The following CCDC146 variants were observed in gnomAD, a reference collection of about 807,000 sequenced individuals.
The protein encoded by CCDC146 is coiled-coil domain-containing protein 146.
A neutral mutation model predicts 119.3 loss-of-function variants in CCDC146; 92 were observed. The observed-to-expected ratio is 0.77, with a 90% CI of 0.65 to 0.92. The LOEUF (loss-of-function observed/expected upper bound fraction) is 0.92, where lower values mean the gene tolerates loss of function less well. Among genes scored for constraint, CCDC146 ranks in the 40% least tolerant of loss-of-function variants. The pLI is 0.00. For missense variants in CCDC146, 1,000 were observed against 1,103.0 expected (o/e 0.91, Z 1.32); for synonymous variants, 372 against 371.8 (o/e 1.00, Z -0.01).
At chr7:77,123,403 GGTGTGTGT>G (rs557580080) in intron 1 of CCDC146, among the ~76,000 whole-genome samples, 5,167 of 125,276 alleles carry the variant, frequency 0.041, 135 homozygotes, top group South Asian at 0.065. Flanking sequence ...GACCCTATAA[GGTGTGTGT>G]GTGTGTGTGT....
chr7:77,230,031 T>C (rs541262982), intron 2 of CCDC146, among the ~76,000 whole-genome samples: 93 of 152,360 alleles, frequency 6.1e-4, no homozygotes, highest in African/African-American at 2.1e-3. Context: ...ATATTTCATA[T>C]AAATGAATAA....
chr7:77,203,839 A>G (rs1295236021), intron 2 of CCDC146, among the ~76,000 whole-genome samples: 1 of 152,214 alleles, frequency 6.6e-6, no homozygotes, highest in Non-Finnish European at 1.5e-5. Context: ...ACACCAATAC[A>G]TGGTGGGATT....
intron 1 of CCDC146, among the ~76,000 whole-genome samples, chr7:77,145,724 G>A (rs1184361377): frequency 7.9e-5 from 12 of 152,164 alleles, no homozygotes; most frequent in African/African-American, 2.2e-4. Flanking sequence ...GTAGTTGAGC[G>A]GTTTTGAGTG....
At chr7:77,147,744 T>A (rs1791043676) in intron 1 of CCDC146, among the ~76,000 whole-genome samples, 4 of 152,206 alleles carry the variant, frequency 2.6e-5, no homozygotes, top group Non-Finnish European at 5.9e-5. Context: ...GAACAGCAAA[T>A]GTTTCTGCCT....
chr7:77,234,418 C>A (rs749845408), intron 2 of CCDC146, among the ~76,000 whole-genome samples: 10 of 152,116 alleles, frequency 6.6e-5, no homozygotes, highest in Non-Finnish European at 1.5e-4. Flanking sequence ...AGTCGACTTA[C>A]CAACAGCAAC....
At chr7:77,158,622 C>T (rs13235824) in intron 1 of CCDC146, among the ~76,000 whole-genome samples, 8 of 152,136 alleles carry the variant, frequency 5.3e-5, no homozygotes, top group East Asian at 1.9e-4. Flanking sequence ...CAGGTTCAAA[C>T]GATTCTCCTG....
At chr7:77,130,745 C>T (rs1207066000) in intron 1 of CCDC146, among the ~76,000 whole-genome samples, 2 of 149,574 alleles carry the variant, frequency 1.3e-5, no homozygotes, top group African/African-American at 5.0e-5. Flanking sequence ...ACTACAGGCG[C>T]GCGCCACCAT....
At chr7:77,231,362 T>A (rs537303169) in intron 2 of CCDC146, among the ~76,000 whole-genome samples, 1 of 152,336 alleles carries the variant, frequency 6.6e-6, no homozygotes, top group East Asian at 1.9e-4. Context: ...AAAAAAAGTT[T>A]GCTGAGATTG....
chr7:77,225,257 G>A (rs917931860), intron 2 of CCDC146, among the ~76,000 whole-genome samples: 2 of 152,156 alleles, frequency 1.3e-5, no homozygotes, highest in Non-Finnish European at 2.9e-5. Context: ...TTAAAAAATA[G>A]CAAAGCTGGC....
chr7:77,250,420 T>TCCAA (rs1015026573), intron 4 of CCDC146, among the ~76,000 whole-genome samples: 3 of 152,254 alleles, frequency 2.0e-5, no homozygotes, highest in African/African-American at 7.2e-5. Context: ...TTATTTCTCC[T>TCCAA]TTACTTTGGA....
chr7:77,249,266 C>G (rs1450640974), intron 4 of CCDC146, among the ~76,000 whole-genome samples: 17 of 152,074 alleles, frequency 1.1e-4, no homozygotes. Context: ...CTGAGGCAGT[C>G]AGATCACGAA....
intron 2 of CCDC146, among the ~76,000 whole-genome samples, chr7:77,209,640 A>G (rs1192507050): frequency 6.6e-6 from 1 of 152,236 alleles, no homozygotes; most frequent in African/African-American, 2.4e-5. Flanking sequence ...CTGAACTGCC[A>G]TAGTAGAGGT....
At chr7:77,255,985 C>T (rs1261784192) in intron 5 of CCDC146, among the ~76,000 whole-genome samples, 2 of 152,114 alleles carry the variant, frequency 1.3e-5, no homozygotes, top group East Asian at 3.9e-4. Flanking sequence ...TACTAGAAAA[C>T]AGACTGTACA....
chr7:77,153,270 C>CCAG, intron 1 of CCDC146, among the ~76,000 whole-genome samples: 1 of 152,256 alleles, frequency 6.6e-6, no homozygotes, highest in Admixed American at 6.5e-5. Context: ...TTCCTACTAT[C>CCAG]CAGGGTGTGA....
intron 1 of CCDC146, among the ~76,000 whole-genome samples, chr7:77,125,092 G>A (rs1790674477): frequency 6.6e-6 from 1 of 151,922 alleles, no homozygotes; most frequent in African/African-American, 2.4e-5. Context: ...TACTCAGGAG[G>A]CTGAGACAGG....
At chr7:77,227,107 G>A (rs899978861) in intron 2 of CCDC146, among the ~76,000 whole-genome samples, 5 of 152,164 alleles carry the variant, frequency 3.3e-5, no homozygotes, top group African/African-American at 1.2e-4. Flanking sequence ...TCCAATTTAT[G>A]TAGAAACTGC....
chr7:77,180,695 CA>C (rs1157765502), intron 2 of CCDC146, among the ~76,000 whole-genome samples: 1 of 151,424 alleles, frequency 6.6e-6, no homozygotes, highest in East Asian at 1.9e-4. Flanking sequence ...GACCTCGTCT[CA>C]AAAAAAAGAT....
At chr7:77,281,112 AC>A (rs1418981434) in intron 14 of CCDC146, among the ~76,000 whole-genome samples, 3 of 117,328 alleles carry the variant, frequency 2.6e-5, no homozygotes, top group East Asian at 4.0e-4. Flanking sequence ...CCAAAAACAA[AC>A]AAAAAAAAAA....
At chr7:77,154,259 CACAAAACTGAATTTTAAACTA>C (rs1387971101) in intron 1 of CCDC146, among the ~76,000 whole-genome samples, 2 of 151,892 alleles carry the variant, frequency 1.3e-5, no homozygotes, top group African/African-American at 4.8e-5. Flanking sequence ...TGTCAAAACT[CACAAAACTGAATTTTAAACTA>C]ACAAAACTGA....
Sources: gnomAD v4.1 joint callset for allele counts (sites outside exome capture counted in the v4.1 genomes callset) on GRCh38, gnomAD v4.1.1 for gene constraint, MANE v1.5 for transcripts, NCBI Gene and HGNC (gene_info 2026-07-23, HGNC 2026-07-21) for gene names.